Variants in PDE1C observed in about 807,000 individuals in gnomAD.
PDE1C encodes the protein phosphodiesterase 1C.
PDE1C carries 62 observed loss-of-function variants against 93.1 expected under a neutral mutation model. The ratio of observed to expected loss-of-function variants is 0.67; its 90% CI spans 0.54 to 0.82. The LOEUF (loss-of-function observed/expected upper bound fraction) is 0.82, where lower values mean the gene tolerates loss of function less well. Ranked by LOEUF, PDE1C falls within the 40% of genes least tolerant of loss-of-function variation. The probability of loss-of-function intolerance (pLI) is 0.00; values close to 1 mark genes in which losing one functional copy is unlikely to be tolerated. For missense variants in PDE1C, 742 were observed against 884.6 expected, an observed-to-expected ratio of 0.84 and a Z score of 2.04; for synonymous variants, 325 against 310.1, an observed-to-expected ratio of 1.05 and a Z score of -0.50.
chr7:32,145,047 A>G (rs1800753323), intron 3 of PDE1C, among the ~76,000 whole-genome samples: 3 of 152,192 alleles, frequency 2.0e-5, no homozygotes, highest in Non-Finnish European at 4.4e-5. Context: ...TTGATTCAAC[A>G]ATGTCTCCCA....
chr7:32,036,278 T>C (rs935881524), intron 2 of PDE1C, among the ~76,000 whole-genome samples: 18 of 152,134 alleles, frequency 1.2e-4, no homozygotes, highest in African/African-American at 3.9e-4. Flanking sequence ...ACGGGTTTAC[T>C]AGGTAACAAT....
At position 31,880,827 on chromosome 7, in the gene PDE1C, C is replaced by T. The variant is rs1229359322; in HGVS notation, c.162G>A (p.Gly54=). 1 of 1,611,134 alleles carries T rather than the reference C, an allele frequency of 6.2e-7. No homozygotes were observed. The highest frequency in any genetic ancestry group is 8.5e-7 in the Non-Finnish European group (1 of 1,177,492). ...LRSLVKQLER[G]EASVVDLKKN... ...TCTTAAGATCTACCACTGAAGCTTC[C>T]CCTCTCTCTAATTGTTTGACCAAAG... is the stretch of plus-strand genomic sequence containing the variant. Residue 54 remains glycine, a synonymous_variant, in exon 3 of 18, where the codon GGG becomes GGA. Coordinates refer to ENST00000396191, the MANE Select transcript of PDE1C (RefSeq NM_001191057.4).
chr7:32,205,850 G>A (rs1250185308), intron 2 of PDE1C, among the ~76,000 whole-genome samples: 1 of 152,088 alleles, frequency 6.6e-6, no homozygotes, highest in African/African-American at 2.4e-5. Context: ...CACCCCTGGA[G>A]TCATTAAGAT....
At chr7:31,695,444 T>C in the PDE1C span, 4 of 1,579,716 alleles carry the variant, frequency 2.5e-6, no homozygotes, top group Admixed American at 1.9e-5. Context: ...ATATTCTTTA[T>C]TTCTTTGTAT....
chr7:32,191,121 G>A (rs1468672326), intron 2 of PDE1C, among the ~76,000 whole-genome samples: 1 of 152,208 alleles, frequency 6.6e-6, no homozygotes, highest in Non-Finnish European at 1.5e-5. Flanking sequence ...TGCAGGCCGT[G>A]AGAAGTCAGT....
intron 2 of PDE1C, among the ~76,000 whole-genome samples, chr7:31,938,375 T>C (rs1443685744): frequency 6.8e-6 from 1 of 147,262 alleles, no homozygotes; most frequent in Non-Finnish European, 1.5e-5. Flanking sequence ...GCAGCTTTTA[T>C]CTTGTAAAGT....
chr7:32,228,134 G>A (rs751944271), intron 1 of PDE1C, among the ~76,000 whole-genome samples: 72 of 152,250 alleles, frequency 4.7e-4, no homozygotes, highest in Non-Finnish European at 2.6e-4. Context: ...CTTCAAGGTA[G>A]TTTGTTACTC....
At chr7:31,732,402 C>T in the PDE1C span, among the ~76,000 whole-genome samples, 2 of 152,106 alleles carry the variant, frequency 1.3e-5, no homozygotes, top group Non-Finnish European at 2.9e-5. Flanking sequence ...ATATTAAAAT[C>T]TGTAGACTCT....
At chr7:32,301,327 A>G (rs950577422), upstream of PDE1C, among the ~76,000 whole-genome samples, 1 of 152,174 alleles carries the variant, frequency 6.6e-6, no homozygotes, top group Non-Finnish European at 1.5e-5. Flanking sequence ...AGAAAAAAGA[A>G]AAAGTCTATT....
chr7:32,122,846 A>C (rs1799372456), intron 3 of PDE1C, among the ~76,000 whole-genome samples: 1 of 152,170 alleles, frequency 6.6e-6, no homozygotes, highest in Non-Finnish European at 1.5e-5. Flanking sequence ...CTAGCAGAAG[A>C]CAAGAAATAA....
chr7:32,209,197 T>A (rs2240675), intron 2 of PDE1C, among the ~76,000 whole-genome samples: 1 of 151,994 alleles, frequency 6.6e-6, no homozygotes, highest in East Asian at 1.9e-4. Context: ...TGAGGCTTCA[T>A]GGTTCTAAAA....
intron 2 of PDE1C, among the ~76,000 whole-genome samples, chr7:31,881,939 T>C (rs935632540): frequency 1.3e-5 from 2 of 152,196 alleles, no homozygotes; most frequent in Non-Finnish European, 2.9e-5. Context: ...TTTAAAATGA[T>C]TGTCAAATCT....
At chr7:32,054,824 C>G (rs1363570813) in intron 1 of PDE1C, among the ~76,000 whole-genome samples, 1 of 152,174 alleles carries the variant, frequency 6.6e-6, no homozygotes, top group Non-Finnish European at 1.5e-5. Context: ...GCTCTTAAAG[C>G]ACAAGAGAAA....
intron 2 of PDE1C, among the ~76,000 whole-genome samples, chr7:31,995,506 AATT>A (rs1409992767): frequency 6.6e-6 from 1 of 152,168 alleles, no homozygotes; most frequent in Non-Finnish European, 1.5e-5. Flanking sequence ...CCATTTTTAA[AATT>A]ATGTTTAAAA....
intron 1 of PDE1C, among the ~76,000 whole-genome samples, chr7:32,235,740 CTGATA>C (rs1360368854): frequency 1.3e-5 from 2 of 152,034 alleles, no homozygotes; most frequent in Non-Finnish European, 2.9e-5. Context: ...AACTGACCTA[CTGATA>C]TAACACAATT....
intron 2 of PDE1C, among the ~76,000 whole-genome samples, chr7:31,975,241 A>T (rs1811502124): frequency 6.6e-6 from 1 of 152,160 alleles, no homozygotes; most frequent in Non-Finnish European, 1.5e-5. Flanking sequence ...GCTCAACCTG[A>T]CTACTATATT....
At chr7:31,901,413 A>G (rs1799968355) in intron 2 of PDE1C, among the ~76,000 whole-genome samples, 1 of 151,446 alleles carries the variant, frequency 6.6e-6, no homozygotes, top group Non-Finnish European at 1.5e-5. Flanking sequence ...TATATCTAGG[A>G]AAAAATGTAA....
the PDE1C span, among the ~76,000 whole-genome samples, chr7:31,624,847 G>A: frequency 2.0e-5 from 3 of 152,076 alleles, no homozygotes. Flanking sequence ...CCCACAAAAT[G>A]GGAAAAAATT....
the PDE1C span, chr7:31,695,517 C>T: frequency 1.2e-6 from 2 of 1,613,314 alleles, no homozygotes; most frequent in Non-Finnish European, 1.7e-6. Flanking sequence ...AAAAAGAAGC[C>T]TAGAAAGGGA....
Sources: gnomAD v4.1 joint callset for allele counts (sites outside exome capture counted in the v4.1 genomes callset) on GRCh38, gnomAD v4.1.1 for gene constraint, MANE v1.5 for transcripts, NCBI Gene and HGNC (gene_info 2026-07-23, HGNC 2026-07-21) for gene names.